MBD5: variants seen among roughly 807,000 people sequenced by gnomAD.
MBD5 encodes the protein methyl-CpG-binding domain protein 5.
In MBD5, 13 loss-of-function variants were observed where a neutral mutation model predicts 117.3. That is an observed-to-expected ratio of 0.11 (90% confidence interval 0.07 to 0.18). The LOEUF (loss-of-function observed/expected upper bound fraction) is 0.18. MBD5 is among the 10% of genes least tolerant of loss of function. MBD5 has a pLI of 1.00. For missense variants in MBD5, 1,879 were observed against 2,093.8 expected, an observed-to-expected ratio of 0.90 and a Z score of 2.00; for synonymous variants, 727 against 766.4, an observed-to-expected ratio of 0.95 and a Z score of 0.85.
At chr2:148,451,141 A>C (rs1524367) in intron 4 of MBD5, among the ~76,000 whole-genome samples, 1 of 152,162 alleles carries the variant, frequency 6.6e-6, no homozygotes, top group African/African-American at 2.4e-5. Flanking sequence ...TGCCTTTTTA[A>C]GGTATCCCTG....
chr2:148,445,340 A>G (rs879566082), intron 4 of MBD5, among the ~76,000 whole-genome samples: 3 of 149,920 alleles, frequency 2.0e-5, no homozygotes, highest in Non-Finnish European at 2.9e-5. Context: ...GCTGTGTCCA[A>G]ATGTTCTCAT....
intron 1 of MBD5, among the ~76,000 whole-genome samples, chr2:148,129,682 A>G (rs957801152): frequency 3.3e-5 from 5 of 152,140 alleles, no homozygotes; most frequent in Admixed American, 1.3e-4. Flanking sequence ...AATTTAGGAA[A>G]ATGTTGAAAA....
intron 3 of MBD5, among the ~76,000 whole-genome samples, chr2:148,290,827 A>G (rs1033055752): frequency 3.3e-5 from 5 of 152,158 alleles, no homozygotes; most frequent in African/African-American, 1.2e-4. Context: ...ATATTTGTGC[A>G]CAAGTTTTTA....
intron 1 of MBD5, among the ~76,000 whole-genome samples, chr2:148,067,199 G>A (rs1695224495): frequency 6.6e-6 from 1 of 152,142 alleles, no homozygotes; most frequent in Admixed American, 6.5e-5. Flanking sequence ...CAATTCAGCA[G>A]TTCTATTGAA....
At chr2:148,209,613 T>C (rs1352604658) in intron 2 of MBD5, among the ~76,000 whole-genome samples, 1 of 152,066 alleles carries the variant, frequency 6.6e-6, no homozygotes, top group Non-Finnish European at 1.5e-5. Context: ...TTTGCATTGC[T>C]ATAACGGAAT....
intron 8 of MBD5, among the ~76,000 whole-genome samples, chr2:148,478,049 C>A (rs987662036): frequency 6.6e-6 from 1 of 151,976 alleles, no homozygotes; most frequent in African/African-American, 2.4e-5. Context: ...ATTTAAGAGA[C>A]AGCCATATAA....
chr2:148,098,737 T>C (rs1402654468), intron 1 of MBD5, among the ~76,000 whole-genome samples: 2 of 152,034 alleles, frequency 1.3e-5, no homozygotes, highest in East Asian at 1.9e-4. Flanking sequence ...TTGAGAACCA[T>C]TGATGTAGGG....
At chr2:148,453,221 A>C (rs942921300) in intron 4 of MBD5, among the ~76,000 whole-genome samples, 2 of 152,162 alleles carry the variant, frequency 1.3e-5, no homozygotes, top group East Asian at 3.9e-4. Flanking sequence ...TTTACATTAC[A>C]GTCATTTTGA....
intron 1 of MBD5, among the ~76,000 whole-genome samples, chr2:148,174,897 A>G (rs1446424782): frequency 2.6e-5 from 4 of 152,172 alleles, no homozygotes; most frequent in South Asian, 2.1e-4. Context: ...AGGTTCCTCA[A>G]TAAACTAAAA....
chr2:148,362,015 G>A (rs1207835495), intron 4 of MBD5, among the ~76,000 whole-genome samples: 1 of 152,188 alleles, frequency 6.6e-6, no homozygotes, highest in African/African-American at 2.4e-5. Context: ...TCCCTCGGGT[G>A]CCTACACCAC....
Position 148,186,899 on chromosome 2 carries a change from C to A in MBD5, c.-831+8106C>A, listed in dbSNP as rs114515648. On this transcript the variant is annotated intron_variant, in intron 2 of 13. Coordinates refer to ENST00000642680, the MANE Select transcript of MBD5 (RefSeq NM_001378120.1). Reference sequence around the variant, plus strand: ...TAAAACATCTAATTGTACACATATACAAGGATATAAAGTAAAACATTAAAA... The same window carrying A: ...TAAAACATCTAATTGTACACATATAAAAGGATATAAAGTAAAACATTAAAA... Among the ~76,000 whole-genome samples the A allele has an allele frequency of 5.7e-3, 875 of 152,202 alleles. 5 individuals carry two copies. Among genetic ancestry groups the A allele is most frequent in the Non-Finnish European group, 9.5e-3 (647 of 67,998 alleles).
intron 1 of MBD5, among the ~76,000 whole-genome samples, chr2:148,036,349 TCTC>T (rs1182670331): frequency 1.3e-5 from 2 of 152,110 alleles, no homozygotes; most frequent in African/African-American, 4.8e-5. Flanking sequence ...TAGTTGACAT[TCTC>T]CTCATTGAGA....
intron 3 of MBD5, among the ~76,000 whole-genome samples, chr2:148,293,599 A>G (rs899941667): frequency 9.2e-5 from 14 of 152,118 alleles, no homozygotes; most frequent in African/African-American, 3.4e-4. Context: ...GTCTTTCCCA[A>G]TCTGTGTGCC....
At chr2:148,287,635 G>A (rs1701394144) in intron 3 of MBD5, among the ~76,000 whole-genome samples, 1 of 152,176 alleles carries the variant, frequency 6.6e-6, no homozygotes, top group African/African-American at 2.4e-5. Flanking sequence ...TCATGATCCT[G>A]CAGACTGGGA....
chr2:148,021,328 A>G lies in MBD5; in HGVS notation c.-1281A>G. The stretch of plus-strand genomic sequence containing the variant: ...AGAAGGAGTTTCTTCTTCTTCGAAA[A>G]CCCCCATCCACGACTCCTACCCCCT... On this transcript the variant is annotated 5_prime_UTR_variant, in exon 1 of 14. Transcript: ENST00000642680. 2 of 351,956 alleles carry G rather than the reference A, an allele frequency of 5.7e-6. No individual in the cohort carries two copies. The highest frequency in any genetic ancestry group is 5.6e-6 in the Non-Finnish European group (1 of 178,274). 21.8% of individuals were successfully genotyped at this position (351,956 alleles called of 1,614,324 possible).
intron 3 of MBD5, among the ~76,000 whole-genome samples, chr2:148,285,558 G>A (rs1302300687): frequency 6.6e-6 from 1 of 152,096 alleles, no homozygotes; most frequent in East Asian, 1.9e-4. Flanking sequence ...TCTTGCTTAT[G>A]GGCCAGATTC....
At chr2:148,173,889 A>C (rs1210744158) in intron 1 of MBD5, among the ~76,000 whole-genome samples, 2 of 152,210 alleles carry the variant, frequency 1.3e-5, no homozygotes, top group Non-Finnish European at 2.9e-5. Context: ...GATTCAATAC[A>C]ATCCATATCA....
chr2:148,134,003 A>C (rs1011485711), intron 1 of MBD5, among the ~76,000 whole-genome samples: 10 of 152,176 alleles, frequency 6.6e-5, no homozygotes, highest in Non-Finnish European at 1.5e-4. Context: ...TAATGAGGGC[A>C]GATATTCATC....
rs148207250 is a variant in MBD5, at chr2:148,066,627, G to A, written c.-925+44943G>A. On this transcript the variant is annotated intron_variant, in intron 1 of 13. Coordinates refer to ENST00000642680, the MANE Select transcript of MBD5 (RefSeq NM_001378120.1). ...TGAATAGCTGGGAGTATAGGTGCAC[G>A]CCACCATGCCCGGCTAATTTTTTGT... 1.1e-3 allele frequency among the ~76,000 whole-genome samples: 161 copies of A among 151,754 alleles called. 1 individual carries two copies. Among genetic ancestry groups the A allele is most frequent in the Middle Eastern group, 0.01 (3 of 294 alleles).
Sources: gnomAD v4.1 joint callset for allele counts (sites outside exome capture counted in the v4.1 genomes callset) on GRCh38, gnomAD v4.1.1 for gene constraint, MANE v1.5 for transcripts, NCBI Gene and HGNC (gene_info 2026-07-23, HGNC 2026-07-21) for gene names.